COL1A2: variants seen among roughly 807,000 people sequenced by gnomAD.
The protein encoded by COL1A2 is collagen alpha-2(I) chain.
COL1A2 carries 49 observed loss-of-function variants against 174.3 expected under a neutral mutation model. The observed-to-expected ratio is 0.28, with a 90% confidence interval of 0.22 to 0.36. The LOEUF is 0.36. Ranked by LOEUF, COL1A2 falls within the 10% of genes least tolerant of loss-of-function variation. The probability of loss-of-function intolerance (pLI) is 1.00; values close to 1 mark genes in which losing one functional copy is unlikely to be tolerated. For missense variants in COL1A2, 1,438 were observed against 1,822.7 expected (o/e 0.79, Z 3.84); for synonymous variants, 655 against 606.6 (o/e 1.08, Z -1.17).
chr7:94,427,357 C>A, intron 48 of COL1A2, 62 bp downstream of exon 48: 1 of 1,456,154 alleles, frequency 6.9e-7, no homozygotes, highest in Non-Finnish European at 9.4e-7. Context: ...TTTCTTCAGA[C>A]TAAACCAAGA....
intron 6 of COL1A2, among the ~76,000 whole-genome samples, chr7:94,401,837 T>A (rs1036804108): frequency 2.6e-5 from 4 of 152,174 alleles, no homozygotes; most frequent in African/African-American, 9.6e-5. Flanking sequence ...TATGATTATA[T>A]GATCTTTTTG....
chr7:94,425,643 G>T lies in COL1A2; in HGVS notation c.2815G>T (p.Asp939Tyr). 1 of 1,614,130 alleles carries T rather than the reference G, an allele frequency of 6.2e-7. No homozygotes were observed. The highest frequency in any genetic ancestry group is 8.5e-7 in the Non-Finnish European group (1 of 1,180,012). The part of the protein sequence containing the change: ...NPGNDGPPGR[D>Y]GQPGHKGERG... ...TGGGAACGATGGTCCCCCAGGTCGC[G>T]ATGGTCAACCCGGACACAAGGTCAG... Residue 939 changes from aspartate (D) to tyrosine (Y), a missense_variant, in exon 43 of 52, where the codon GAT (aspartate) becomes TAT (tyrosine). Coordinates refer to ENST00000297268, the MANE Select transcript of COL1A2 (RefSeq NM_000089.4).
chr7:94,408,635 A>T (rs1296452159), intron 15 of COL1A2, 135 bp from the exon 16 acceptor site: 10 of 1,028,238 alleles, frequency 9.7e-6, no homozygotes, highest in Non-Finnish European at 1.5e-5. Flanking sequence ...ACGACAACAG[A>T]CTGGTTGTCA....
In COL1A2 at chr7:94,412,591, C is replaced by T. The variant is rs760503549; in HGVS notation, c.1412C>T (p.Pro471Leu). ...AAATAACTCTGCTTTCAGGGCCTCC[C>T]TGGCATCGACGGCAGGCCTGGCCCA... ...PAGKEGPVGLPGIDGRPGPIG... is the reference protein window; with the variant it reads ...PAGKEGPVGLLGIDGRPGPIG... Residue 471 changes from proline to leucine, a missense_variant, in exon 25 of 52, where the codon CCT (proline) becomes CTT (leucine). By Grantham distance (98) the Pro-to-Leu change is moderately conservative (BLOSUM62 -3). Transcript: ENST00000297268. 1.7e-5 allele frequency: 28 copies of T among 1,613,650 alleles called. No homozygotes were observed. Among genetic ancestry groups the T allele is most frequent in the East Asian group, 2.2e-5 (1 of 44,882 alleles).
intron 17 of COL1A2, 44 bp downstream of exon 17, chr7:94,409,464 A>G (rs907053469): frequency 1.1e-5 from 18 of 1,611,528 alleles, no homozygotes; most frequent in South Asian, 2.2e-5. Flanking sequence ...AAAAGAAAAC[A>G]AAGGTGGAGT....
In COL1A2 at chr7:94,398,219, T is replaced by C. The variant is rs79831951; in HGVS notation, c.82-163T>C. 0.023 allele frequency among the ~76,000 whole-genome samples: 3,452 copies of C among 152,194 alleles called. 137 individuals are homozygous for C. Among genetic ancestry groups the C allele is most frequent in the African/African-American group, 0.079 (3,266 of 41,550 alleles). ...TACATATTTTTATTTGACATGTTGGTAAAATTTTAAATTGTAGTTTGAAAT... is the reference window on the plus strand; with the variant it reads ...TACATATTTTTATTTGACATGTTGGCAAAATTTTAAATTGTAGTTTGAAAT... On this transcript the variant is annotated intron_variant, in intron 2 of 51. Transcript: ENST00000297268.
chr7:94,416,616 G>A (rs1386171520), intron 31 of COL1A2, 113 bp downstream of exon 31: 4 of 832,352 alleles, frequency 4.8e-6, no homozygotes, highest in Non-Finnish European at 7.9e-6. Flanking sequence ...TTCCAGTTCT[G>A]TGATGACTTC....
chr7:94,397,702 G>A lies in COL1A2; in HGVS notation c.71-46G>A, dbSNP rs189048266. ...TTAATTATTGCTATTGATCCATGAA[G>A]TGATACTAATAATTGTTTCCTACTT... is the stretch of plus-strand genomic sequence containing the variant. On this transcript the variant is annotated intron_variant, in intron 1 of 51. Coordinates refer to ENST00000297268, the MANE Select transcript of COL1A2 (RefSeq NM_000089.4). 30 of 1,072,438 alleles carry A rather than the reference G, an allele frequency of 2.8e-5. No individual in the cohort carries two copies. In the African/African-American group the frequency reaches 4.5e-4, roughly 16 times the overall value. The allele number at this position is 1,072,438 out of a possible 1,614,324, so 66.4% of individuals were successfully genotyped here. A position where few individuals can be genotyped will look rare whatever the true frequency, so the allele number is the denominator to read the frequency against.
chr7:94,415,091 AG>A (rs1792010929), intron 29 of COL1A2, 134 bp from the exon 30 acceptor site: 1 of 773,686 alleles, frequency 1.3e-6, no homozygotes, highest in Non-Finnish European at 2.3e-6. Context: ...TGTTCTTATT[AG>A]CCTGTGTACT....
At chr7:94,426,312 C>A in intron 45 of COL1A2, 111 bp from the exon 46 acceptor site, 1 of 1,049,200 alleles carries the variant, frequency 9.5e-7, no homozygotes, top group Non-Finnish European at 1.4e-6. Context: ...CCTAGCTAAA[C>A]CATTACATGT....
At chr7:94,414,097 A>G (rs1791987983) in intron 28 of COL1A2, 125 bp from the exon 29 acceptor site, 1 of 1,293,628 alleles carries the variant, frequency 7.7e-7, no homozygotes, top group East Asian at 2.3e-5. Context: ...ACTTTTGTGT[A>G]ATGCTTAATA....
At chr7:94,413,157 A>C in intron 26 of COL1A2, 21 bp downstream of exon 26, 1 of 1,611,442 alleles carries the variant, frequency 6.2e-7, no homozygotes, top group Non-Finnish European at 8.5e-7. Context: ...ACTTGTGTAC[A>C]GATCTATTCA....
intron 50 of COL1A2, 73 bp from the exon 51 acceptor site, chr7:94,429,115 T>TTTTTTTTTCA: frequency 8.3e-7 from 1 of 1,208,486 alleles, no homozygotes; most frequent in African/African-American, 1.6e-5. Context: ...TTTCTTTTTT[T>TTTTTTTTTCA]TTTTTTTCAT....
At chr7:94,402,697 C>A (rs1366360152) in intron 6 of COL1A2, among the ~76,000 whole-genome samples, 1 of 152,092 alleles carries the variant, frequency 6.6e-6, no homozygotes, top group Non-Finnish European at 1.5e-5. Context: ...AATGTATACA[C>A]ACACACGCAA....
In COL1A2 at chr7:94,409,727, T is replaced by C. The variant is rs1398896772; in HGVS notation, c.941T>C (p.Leu314Pro). 1.9e-6 allele frequency: 3 copies of C among 1,614,146 alleles called. No individual in the cohort carries two copies. The highest frequency in any genetic ancestry group is 4.5e-5 in the East Asian group (2 of 44,860). The change falls in exon 19 of 52, where the codon CTT becomes CCT. Residue 314 changes from leucine to proline, a missense_variant. Physicochemically the swap from Leu to Pro is moderately conservative, Grantham distance 98. Around this residue, in one of 3 missense-constraint regions of COL1A2, gnomAD observed 867 missense variants for 1,213.7 expected, o/e 0.71. Transcript: ENST00000297268. ...GLTGAKGAAG[L>P]PGVAGAPGLP... ...ACACTGCATTTTCCTTCACAGGGCC[T>C]TCCCGGCGTTGCTGGGGCTCCCGGC...
intron 1 of COL1A2, 149 bp downstream of exon 1, chr7:94,395,250 A>G: frequency 1.3e-6 from 1 of 779,514 alleles, no homozygotes; most frequent in Non-Finnish European, 2.4e-6. Flanking sequence ...GGAATTGATA[A>G]GAAACATGGA....
chr7:94,413,598 CT>C, intron 26 of COL1A2, 91 bp from the exon 27 acceptor site: 1 of 1,247,828 alleles, frequency 8.0e-7, no homozygotes, highest in Non-Finnish European at 1.2e-6. Flanking sequence ...AAATGACAAA[CT>C]TGTTTTAAGG....
chr7:94,421,819 C>A, intron 38 of COL1A2, 80 bp from the exon 39 acceptor site: 2 of 1,337,674 alleles, frequency 1.5e-6, no homozygotes, highest in Non-Finnish European at 2.1e-6. Context: ...TACTGATTTT[C>A]CAAAACAAAG....
chr7:94,411,344 C>G (rs1791918739), intron 23 of COL1A2, among the ~76,000 whole-genome samples, 190 bp downstream of exon 23: 1 of 152,096 alleles, frequency 6.6e-6, no homozygotes. Context: ...CATAAATTTT[C>G]TATTTATTAC....
Sources: gnomAD v4.1 joint callset for allele counts (sites outside exome capture counted in the v4.1 genomes callset) on GRCh38, gnomAD v4.1.1 for gene constraint, gnomAD v4.1.1 regional missense constraint, MANE v1.5 for transcripts, NCBI Gene and HGNC (gene_info 2026-07-23, HGNC 2026-07-21) for gene names.